The following ZFYVE26 variants were observed in gnomAD, a reference collection of about 807,000 sequenced individuals.
ZFYVE26 encodes the protein zinc finger FYVE domain-containing protein 26.
Under a neutral mutation model 276.5 loss-of-function variants are expected in ZFYVE26, and 181 were observed. The ratio of observed to expected loss-of-function variants is 0.65; its 90% CI spans 0.58 to 0.74. The LOEUF is 0.74. Among genes scored for constraint, ZFYVE26 ranks in the 30% least tolerant of loss-of-function variants. The pLI is 0.00. For missense variants in ZFYVE26, 2,821 were observed against 3,097.9 expected (o/e 0.91, Z 2.12); for synonymous variants, 1,129 against 1,203.1 (o/e 0.94, Z 1.27).
chr14:67,759,430 C>T (rs543083700), intron 35 of ZFYVE26, among the ~76,000 whole-genome samples: 3 of 151,548 alleles, frequency 2.0e-5, no homozygotes, highest in African/African-American at 7.3e-5. Context: ...TCGAGACCAT[C>T]GTGGCCAACA....
intron 3 of ZFYVE26, among the ~76,000 whole-genome samples, chr14:67,811,977 A>G (rs1291180099): frequency 6.9e-6 from 1 of 145,474 alleles, no homozygotes; most frequent in Non-Finnish European, 1.5e-5. Context: ...TGAAATATAT[A>G]TTTTATATAT....
chr14:67,795,044 A>G (rs2039919183), intron 12 of ZFYVE26, among the ~76,000 whole-genome samples: 1 of 152,190 alleles, frequency 6.6e-6, no homozygotes, highest in Non-Finnish European at 1.5e-5. Flanking sequence ...TCTTCTCAAC[A>G]CCAGGCTTCC....
intron 9 of ZFYVE26, 25 bp downstream of exon 9, chr14:67,804,076 G>T: frequency 6.2e-7 from 1 of 1,613,408 alleles, no homozygotes; most frequent in African/African-American, 1.3e-5. Context: ...GGAAATCCTG[G>T]CCAGGTCATT....
Position 67,776,121 on chromosome 14 carries a change from G to C in ZFYVE26, c.4975-15C>G, listed in dbSNP as rs1209756106. 1 of 1,613,930 alleles carries C rather than the reference G, an allele frequency of 6.2e-7. No homozygotes were observed. The highest frequency in any genetic ancestry group is 1.7e-5 in the Admixed American group (1 of 60,026). On this transcript the variant is annotated splice_polypyrimidine_tract_variant and intron_variant, in intron 25 of 41. Transcript: ENST00000347230. ...GTCAGCAGAATCTGTTTGTGGGGTA[G>C]ATCCATAGAGTAAAGAAAATAGTAC... is the stretch of plus-strand genomic sequence containing the variant.
At chr14:67,737,088 CT>C (rs71129855) in intron 13 of ZFYVE26, among the ~76,000 whole-genome samples, 57,307 of 104,746 alleles carry the variant, frequency 0.55, 14,874 homozygotes, top group Non-Finnish European at 0.63. Flanking sequence ...TTTTTCTTTT[CT>C]TTTTTTTTTT....
Position 67,798,192 on chromosome 14 carries a change from C to G in ZFYVE26, c.2070G>C (p.Arg690Ser), listed in dbSNP as rs911420369. 6.8e-6 allele frequency: 11 copies of G among 1,614,132 alleles called. No homozygotes were observed. In the African/African-American group the frequency reaches 1.5e-4, roughly 22 times the overall value. The change falls in exon 11 of 42, where the codon AGG becomes AGC. Residue 690 changes from arginine (R) to serine (S), a missense_variant. Physicochemically the swap from Arg to Ser is moderately radical, Grantham distance 110 (BLOSUM62 -1). Coordinates refer to ENST00000347230, the MANE Select transcript of ZFYVE26 (RefSeq NM_015346.4). ...TCTCATCCAGTTGCTCTTGGAGAAG[C>G]CTGAGGAAGGCCCCTATTGCAAATT... ...ADEFAIGAFLRLLQEQLDEIS... is the reference protein window; with the variant it reads ...ADEFAIGAFLSLLQEQLDEIS...
intron 23 of ZFYVE26, 123 bp downstream of exon 23, chr14:67,780,118 A>C: frequency 1.1e-6 from 1 of 951,256 alleles, no homozygotes. Context: ...CTCGGCCAGA[A>C]TGTGGTATAG....
intron 41 of ZFYVE26, among the ~76,000 whole-genome samples, chr14:67,749,154 A>G (rs1185114259): frequency 1.3e-5 from 2 of 152,204 alleles, no homozygotes; most frequent in Non-Finnish European, 2.9e-5. Context: ...TTCAATGAAT[A>G]TGTATTACAG....
At chr14:67,814,584 C>T (rs2040364977) in intron 2 of ZFYVE26, among the ~76,000 whole-genome samples, 1 of 152,084 alleles carries the variant, frequency 6.6e-6, no homozygotes. Flanking sequence ...TAGCAGCTTT[C>T]ATAAAAAGCC....
chr14:67,730,098 A>G (rs116009908), intron 13 of ZFYVE26, among the ~76,000 whole-genome samples: 1 of 152,288 alleles, frequency 6.6e-6, no homozygotes, highest in South Asian at 2.1e-4. Flanking sequence ...TGTGTTTGGT[A>G]CTCAGTTCTG....
rs552644470 is a variant in ZFYVE26, at chr14:67,813,994, G to A, written c.265C>T (p.Arg89Trp). ...AATATAAACCTACTTACCTTTTCCC[G>A]GGCCAACCATTTCTCCAGTACAAGA... ...WLLVLEKWLA[R>W]EKKLLPVVFR... The change falls in exon 3 of 42, where the codon CGG becomes TGG. Residue 89 changes from arginine to tryptophan, a missense_variant. Arg to Trp is a moderately radical substitution (Grantham distance 101). Transcript: ENST00000347230. 19 of 1,613,290 alleles carry A rather than the reference G, an allele frequency of 1.2e-5. No homozygotes were observed. The highest frequency in any genetic ancestry group is 5.3e-5 in the African/African-American group (4 of 74,986).
exon 14 of ZFYVE26, chr14:67,729,623 C>A (rs2038241311): frequency 1.6e-6 from 1 of 623,064 alleles, no homozygotes; most frequent in Admixed American, 2.6e-5. Context: ...GAAAACTTTG[C>A]AGCTTTCTGA....
At chr14:67,780,457 G>A in intron 22 of ZFYVE26, 112 bp from the exon 23 acceptor site, 1 of 983,186 alleles carries the variant, frequency 1.0e-6, no homozygotes, top group Non-Finnish European at 1.6e-6. Context: ...CCCAAAGTCA[G>A]GCTGTCAGAA....
At chr14:67,731,657 T>C (rs1450699883) in intron 13 of ZFYVE26, among the ~76,000 whole-genome samples, 1 of 152,090 alleles carries the variant, frequency 6.6e-6, no homozygotes, top group Non-Finnish European at 1.5e-5. Context: ...GTTAGTGATA[T>C]AATGTTGTAA....
chr14:67,736,040 C>T (rs2038349008), intron 13 of ZFYVE26, among the ~76,000 whole-genome samples: 1 of 152,126 alleles, frequency 6.6e-6, no homozygotes, highest in Non-Finnish European at 1.5e-5. Context: ...AAGATGGACA[C>T]TCAGTTTGAG....
chr14:67,766,050 T>C lies in ZFYVE26; in HGVS notation c.6011+177A>G, dbSNP rs8006137. ...AAAGGACACAGGGTGTCAGGTAGGA[T>C]GGGGAAGAACACTTGAGATCTGGCA... On this transcript the variant is annotated intron_variant, in intron 32 of 41. Transcript: ENST00000347230. Among the ~76,000 whole-genome samples the C allele has an allele frequency of 0.98, 149,909 of 152,320 alleles. 73,799 individuals carry two copies. Among genetic ancestry groups the C allele is most frequent in the East Asian group, 1 (5,192 of 5,192 alleles).
chr14:67,729,971 G>T (rs1309781510), intron 13 of ZFYVE26, among the ~76,000 whole-genome samples: 1 of 152,146 alleles, frequency 6.6e-6, no homozygotes, highest in African/African-American at 2.4e-5. Context: ...GTCCCGCTTT[G>T]TTCAAGGCTT....
rs1297622728 is a variant in ZFYVE26, at chr14:67,809,193, C to T, written c.363+7G>A. On this transcript the variant is annotated splice_region_variant and intron_variant, in intron 4 of 41. Coordinates refer to ENST00000347230, the MANE Select transcript of ZFYVE26 (RefSeq NM_015346.4). ...CCTGGGCAGATGGTACCAGGGCTCTCTCTCACCTCGAGGATGTTCTCTGGA... is the reference window on the plus strand; with the variant it reads ...CCTGGGCAGATGGTACCAGGGCTCTTTCTCACCTCGAGGATGTTCTCTGGA... The T allele has an allele frequency of 6.2e-7, 1 of 1,613,230 alleles. No homozygotes were observed. Among genetic ancestry groups the T allele is most frequent in the Non-Finnish European group, 8.5e-7 (1 of 1,179,370 alleles).
chr14:67,777,665 C>T lies in ZFYVE26; in HGVS notation c.4868G>A (p.Ser1623Asn). The change falls in exon 25 of 42, where the codon AGC (serine) becomes AAC (asparagine). Residue 1623 changes from serine to asparagine, a missense_variant. By Grantham distance (46) the Ser-to-Asn change is conservative. Transcript: ENST00000347230. ...VTEQSLDQHT[S>N]LATSHFLANY... ...GGCCAAGAAGTGAGAAGTGGCCAAG[C>T]TAGTGTGCTGGTCGAGGGATTGCTC... 6.2e-7 allele frequency: 1 copy of T among 1,614,122 alleles called. No homozygotes were observed. The highest frequency in any genetic ancestry group is 8.5e-7 in the Non-Finnish European group (1 of 1,180,034).
Sources: allele counts gnomAD v4.1 joint callset (sites outside exome capture counted in the v4.1 genomes callset), GRCh38; gene constraint gnomAD v4.1.1; transcripts MANE v1.5; gene names NCBI Gene and HGNC (gene_info 2026-07-23, HGNC 2026-07-21).